Variants in CHST11 observed in about 807,000 individuals in gnomAD.
CHST11 encodes the protein C4S-1.
Under a neutral mutation model 30.4 loss-of-function variants are expected in CHST11, and 9 were observed. That is an observed-to-expected ratio of 0.30 (90% CI 0.18 to 0.52). The LOEUF (loss-of-function observed/expected upper bound fraction) is 0.52, where lower values mean the gene tolerates loss of function less well. Among genes scored for constraint, CHST11 ranks in the 20% least tolerant of loss-of-function variants. The pLI, the probability that CHST11 is intolerant of heterozygous loss-of-function variation, is 0.97. For synonymous variants in CHST11, 152 were observed against 187.8 expected, an observed-to-expected ratio of 0.81 and a Z score of 1.56; for missense variants, 348 against 460.6, an observed-to-expected ratio of 0.76 and a Z score of 2.24.
intron 2 of CHST11, among the ~76,000 whole-genome samples, chr12:104,726,730 A>G (rs1239302928): frequency 6.6e-6 from 1 of 152,202 alleles, no homozygotes; most frequent in Non-Finnish European, 1.5e-5. Context: ...TAGGGCTGAG[A>G]CATTAGAGTG....
chr12:104,553,326 T>A (rs1394268657), intron 1 of CHST11: 2 of 152,234 alleles, frequency 1.3e-5, no homozygotes, highest in African/African-American at 2.4e-5. Flanking sequence ...CACTTTGAGC[T>A]GAATTTCCAA....
intron 2 of CHST11, among the ~76,000 whole-genome samples, chr12:104,756,359 T>C (rs1339401508): frequency 6.6e-6 from 1 of 152,182 alleles, no homozygotes; most frequent in Non-Finnish European, 1.5e-5. Flanking sequence ...GAGAAACTTT[T>C]GCTCTTAGAA....
chr12:104,557,353 G>A (rs2038467419), intron 1 of CHST11, among the ~76,000 whole-genome samples: 1 of 152,320 alleles, frequency 6.6e-6, no homozygotes, highest in East Asian at 1.9e-4. Flanking sequence ...GCCAGGTCAT[G>A]AGGGGCTTAT....
chr12:104,706,947 T>A (rs2040041091), intron 2 of CHST11, among the ~76,000 whole-genome samples: 1 of 151,992 alleles, frequency 6.6e-6, no homozygotes, highest in Admixed American at 6.6e-5. Context: ...TGAATTGAGG[T>A]CCATTTCCAC....
chr12:104,738,804 C>G (rs974879992), intron 2 of CHST11, among the ~76,000 whole-genome samples: 1 of 152,266 alleles, frequency 6.6e-6, no homozygotes, highest in Non-Finnish European at 1.5e-5. Flanking sequence ...GCATTGCCAT[C>G]TTTTCTGTTC....
intron 2 of CHST11, among the ~76,000 whole-genome samples, chr12:104,740,702 C>A (rs576088096): frequency 1.4e-4 from 21 of 152,218 alleles, no homozygotes; most frequent in Non-Finnish European, 2.4e-4. Flanking sequence ...AATATTAATA[C>A]CTCTGATGTC....
At chr12:104,756,053 C>T (rs1472435816) in intron 2 of CHST11, among the ~76,000 whole-genome samples, 2 of 152,214 alleles carry the variant, frequency 1.3e-5, no homozygotes. Flanking sequence ...AAGACACCAC[C>T]TCATCTGTAG....
chr12:104,544,776 A>ACCCCC lies in CHST11; in HGVS notation c.119-57126_119-57125insCCCCC, dbSNP rs2038329823. Among the ~76,000 whole-genome samples the ACCCCC allele has an allele frequency of 1.4e-4, 7 of 50,580 alleles. 1 individual carries two copies. In the South Asian group the frequency reaches 8.0e-3, roughly 58 times the overall value. The allele number at this position is 50,580 out of a possible 152,430, so 33.2% of individuals were successfully genotyped here. ...GTGCCCTGGGGGTCACAGTCCCCCCACCCCGGAGATAATGGATTTGGTGCT... is the reference window on the plus strand; with the variant it reads ...GTGCCCTGGGGGTCACAGTCCCCCCACCCCCCCCCGGAGATAATGGATTTGGTGCT... On this transcript the variant is annotated intron_variant, in intron 1 of 2. Coordinates refer to ENST00000303694, the MANE Select transcript of CHST11 (RefSeq NM_018413.6).
intron 2 of CHST11, among the ~76,000 whole-genome samples, chr12:104,715,189 A>AC (rs1458201296): frequency 1.3e-5 from 2 of 151,994 alleles, no homozygotes; most frequent in African/African-American, 4.8e-5. Flanking sequence ...ACATGGTGTA[A>AC]CCCCATCTCT....
At chr12:104,514,216 T>C (rs2135983532) in intron 1 of CHST11, 2 of 887,654 alleles carry the variant, frequency 2.3e-6, no homozygotes, top group East Asian at 2.4e-5. Context: ...TCCGGGGACA[T>C]TGACACAGCA....
chr12:104,644,764 T>A (rs563996972), intron 2 of CHST11, among the ~76,000 whole-genome samples: 1 of 152,306 alleles, frequency 6.6e-6, no homozygotes, highest in East Asian at 1.9e-4. Flanking sequence ...TGGACCTCCA[T>A]CTCAGATCTG....
chr12:104,736,200 C>T (rs7306217), intron 2 of CHST11, among the ~76,000 whole-genome samples: 2,792 of 152,232 alleles, frequency 0.018, 72 homozygotes, highest in African/African-American at 0.064. Context: ...CCCCAAAGTT[C>T]CCCCTGCAAG....
chr12:104,553,600 A>G (rs1007427651), intron 1 of CHST11, among the ~76,000 whole-genome samples: 5 of 142,474 alleles, frequency 3.5e-5, no homozygotes, highest in Non-Finnish European at 6.2e-5. Context: ...AGAGAGAGAG[A>G]GTGAGAACTA....
intron 2 of CHST11, among the ~76,000 whole-genome samples, chr12:104,747,204 C>T (rs559314953): frequency 1.4e-3 from 208 of 152,304 alleles, no homozygotes; most frequent in Non-Finnish European, 2.4e-3. Flanking sequence ...AGCGGCTGCC[C>T]GGGAGCCGAT....
intron 2 of CHST11, among the ~76,000 whole-genome samples, chr12:104,693,979 G>A (rs2039922030): frequency 1.3e-5 from 2 of 152,112 alleles, no homozygotes; most frequent in Non-Finnish European, 2.9e-5. Flanking sequence ...TATTACATAG[G>A]AACTTGTATA....
At chr12:104,527,547 G>A (rs964144820) in intron 1 of CHST11, among the ~76,000 whole-genome samples, 2 of 152,106 alleles carry the variant, frequency 1.3e-5, no homozygotes, top group Non-Finnish European at 2.9e-5. Context: ...CCTCCCCACC[G>A]ACGTGGATCT....
chr12:104,757,039 C>T lies in CHST11; in HGVS notation c.295C>T (p.Arg99Trp), dbSNP rs759769235. 13 of 1,613,926 alleles carry T rather than the reference C, an allele frequency of 8.1e-6. No homozygotes were observed. The highest frequency in any genetic ancestry group is 2.7e-5 in the African/African-American group (2 of 74,910). The change falls in exon 3 of 3, where the codon CGG (arginine) becomes TGG (tryptophan). Residue 99 changes from arginine to tryptophan, a missense_variant. By Grantham distance (101) the Arg-to-Trp change is moderately radical. Coordinates refer to ENST00000303694, the MANE Select transcript of CHST11 (RefSeq NM_018413.6). This position sits in a 1 kb window ranked among gnomAD's most constrained non-coding sequence, Gnocchi z 6.5. ...CRANSATSRK[R>W]RVLTPNDLKH... Reference sequence around the variant, plus strand: ...AGCCAACAGCGCCACAAGCCGTAAGCGGAGGGTGCTGACCCCCAACGACCT... The same window carrying T: ...AGCCAACAGCGCCACAAGCCGTAAGTGGAGGGTGCTGACCCCCAACGACCT...
chr12:104,575,507 T>C (rs1482994655), intron 1 of CHST11, among the ~76,000 whole-genome samples: 4 of 152,126 alleles, frequency 2.6e-5, no homozygotes, highest in Admixed American at 1.3e-4. Context: ...GAGTCCTCTG[T>C]GATAATCCGG....
At chr12:104,527,502 G>A (rs1259750035) in intron 1 of CHST11, among the ~76,000 whole-genome samples, 3 of 152,096 alleles carry the variant, frequency 2.0e-5, no homozygotes, top group African/African-American at 7.2e-5. Flanking sequence ...TCTGCGTGAG[G>A]CCCTCTGAGA....
Sources: gnomAD v4.1 joint callset for allele counts (sites outside exome capture counted in the v4.1 genomes callset) on GRCh38, gnomAD v4.1.1 for gene constraint, Gnocchi (gnomAD v3.1) non-coding constraint, MANE v1.5 for transcripts, NCBI Gene and HGNC (gene_info 2026-07-23, HGNC 2026-07-21) for gene names.